PLCB1: variants seen among roughly 807,000 people sequenced by gnomAD.
The protein encoded by PLCB1 is phospholipase C beta 1, also known as 1-phosphatidylinositol 4,5-bisphosphate phosphodiesterase beta-1.
In PLCB1, 46 loss-of-function variants were observed where a neutral mutation model predicts 161.8. That is an observed-to-expected ratio of 0.28 (90% CI 0.22 to 0.36). The LOEUF is 0.36. PLCB1 is among the 10% of genes least tolerant of loss of function. The pLI, the probability that PLCB1 is intolerant of heterozygous loss-of-function variation, is 1.00. For missense variants in PLCB1, 1,016 were observed against 1,472.5 expected (o/e 0.69, Z 5.07); for synonymous variants, 517 against 503.7 (o/e 1.03, Z -0.35).
At chr20:8,622,146 C>T (rs887469862) in intron 3 of PLCB1, among the ~76,000 whole-genome samples, 4 of 151,298 alleles carry the variant, frequency 2.6e-5, no homozygotes, top group African/African-American at 4.9e-5. Context: ...CCCAGCTACT[C>T]GGGAGGCTGA....
chr20:8,670,934 C>T (rs750740768), intron 9 of PLCB1, among the ~76,000 whole-genome samples: 17 of 152,178 alleles, frequency 1.1e-4, no homozygotes, highest in Non-Finnish European at 2.4e-4. Context: ...CAGTGCTGTG[C>T]TTAGAAGTGA....
chr20:8,832,676 C>T (rs1030372802), intron 31 of PLCB1, among the ~76,000 whole-genome samples: 4 of 152,224 alleles, frequency 2.6e-5, no homozygotes, highest in Non-Finnish European at 4.4e-5. Flanking sequence ...AGAAAAGAAT[C>T]AGAATCGAAA....
intron 3 of PLCB1, among the ~76,000 whole-genome samples, chr20:8,447,878 C>CA (rs1272313542): frequency 1.3e-5 from 2 of 152,186 alleles, no homozygotes; most frequent in Non-Finnish European, 2.9e-5. Context: ...TTGCACTCTA[C>CA]AATTTCAGAC....
intron 3 of PLCB1, among the ~76,000 whole-genome samples, chr20:8,535,201 G>GGAAA (rs1568497461): frequency 2.3e-5 from 1 of 44,382 alleles, no homozygotes. Flanking sequence ...GAGTTTATGG[G>GGAAA]CAAAAAAAAA....
intron 2 of PLCB1, among the ~76,000 whole-genome samples, chr20:8,303,969 C>T (rs1984017239): frequency 6.6e-6 from 1 of 152,150 alleles, no homozygotes; most frequent in Non-Finnish European, 1.5e-5. Context: ...CACCAAAAAC[C>T]AGGTCCTCAT....
chr20:8,702,815 T>C (rs1045429879), intron 11 of PLCB1, among the ~76,000 whole-genome samples: 6 of 152,264 alleles, frequency 3.9e-5, no homozygotes. Flanking sequence ...TTTCTCATCC[T>C]AACTGATCAC....
intron 3 of PLCB1, among the ~76,000 whole-genome samples, chr20:8,412,593 A>G (rs1056288363): frequency 6.6e-6 from 1 of 152,196 alleles, no homozygotes; most frequent in Non-Finnish European, 1.5e-5. Flanking sequence ...CTAATAGAGG[A>G]CACAGGTCCA....
chr20:8,453,787 A>G (rs980031973), intron 3 of PLCB1, among the ~76,000 whole-genome samples: 1 of 152,210 alleles, frequency 6.6e-6, no homozygotes. Context: ...TTTCAGGCAG[A>G]TGGAAGAGCA....
At chr20:8,627,888 C>T (rs777292316) in intron 3 of PLCB1, among the ~76,000 whole-genome samples, 12 of 152,194 alleles carry the variant, frequency 7.9e-5, no homozygotes, top group Admixed American at 4.6e-4. Flanking sequence ...CCTAGTCCTA[C>T]GTAGGCATTG....
chr20:8,855,816 C>T (rs1244854134), intron 31 of PLCB1, among the ~76,000 whole-genome samples: 2 of 152,332 alleles, frequency 1.3e-5, no homozygotes, highest in Middle Eastern at 3.4e-3. Context: ...GGCCAAGTCA[C>T]TTAAATTTTG....
At chr20:8,618,562 TATAAC>T (rs1354717287) in intron 3 of PLCB1, among the ~76,000 whole-genome samples, 9 of 152,130 alleles carry the variant, frequency 5.9e-5, no homozygotes, top group African/African-American at 1.7e-4. Context: ...TTTACAATCA[TATAAC>T]ATAACTAACA....
At chr20:8,320,857 G>C (rs868561644) in intron 2 of PLCB1, among the ~76,000 whole-genome samples, 1 of 147,918 alleles carries the variant, frequency 6.8e-6, no homozygotes, top group Non-Finnish European at 1.5e-5. Flanking sequence ...GAGGGAAAGA[G>C]AGAGAAAGAA....
At chr20:8,555,924 T>A (rs1457377328) in intron 3 of PLCB1, among the ~76,000 whole-genome samples, 1 of 152,082 alleles carries the variant, frequency 6.6e-6, no homozygotes, top group African/African-American at 2.4e-5. Context: ...TTGAGACAAA[T>A]TTTAAAATCG....
Position 8,756,180 on chromosome 20 carries a change from C to T in PLCB1, c.2524-866C>T, listed in dbSNP as rs541341320. Among the ~76,000 whole-genome samples, 4 of 152,280 alleles carry T rather than the reference C, an allele frequency of 2.6e-5. No homozygotes were observed. The East Asian group carries it at 5.8e-4, about 22-fold the overall frequency. On this transcript the variant is annotated intron_variant, in intron 23 of 31. Coordinates refer to ENST00000338037, the MANE Select transcript of PLCB1 (RefSeq NM_015192.4). Reference sequence around the variant, plus strand: ...ATTATTTAACATCCACATATTTACTCTGTGCCAGAAACAATTCTAAGTACT... The same window carrying T: ...ATTATTTAACATCCACATATTTACTTTGTGCCAGAAACAATTCTAAGTACT...
At chr20:8,275,230 G>C (rs1041451607) in intron 2 of PLCB1, among the ~76,000 whole-genome samples, 1 of 144,912 alleles carries the variant, frequency 6.9e-6, no homozygotes, top group African/African-American at 2.6e-5. Flanking sequence ...CCAGTACCAG[G>C]TTTGCTTTGC....
At position 8,818,885 on chromosome 20, in the gene PLCB1, G is replaced by A. The variant is rs1004556129; in HGVS notation, c.3423+28624G>A. Among the ~76,000 whole-genome samples the A allele has an allele frequency of 3.3e-5, 5 of 150,830 alleles. No individual in the cohort carries two copies. The East Asian group carries it at 9.8e-4, about 30-fold the overall frequency. ...GAACCCAGGAGGCGGAGGCTGCAGTGAGCCAAGATTGTGCCACTGCACTCT... is the reference window on the plus strand; with the variant it reads ...GAACCCAGGAGGCGGAGGCTGCAGTAAGCCAAGATTGTGCCACTGCACTCT... On this transcript the variant is annotated intron_variant, in intron 31 of 31. Transcript: ENST00000338037.
chr20:8,252,511 T>C (rs1263311357), intron 2 of PLCB1, among the ~76,000 whole-genome samples: 2 of 152,012 alleles, frequency 1.3e-5, no homozygotes, highest in Non-Finnish European at 2.9e-5. Context: ...AATGCCTAAT[T>C]CTAATCCAGT....
At chr20:8,559,924 C>T (rs2123019554) in intron 3 of PLCB1, among the ~76,000 whole-genome samples, 1 of 152,072 alleles carries the variant, frequency 6.6e-6, no homozygotes, top group South Asian at 2.1e-4. Flanking sequence ...TTCCTTCCTA[C>T]CTTTCTTTCT....
rs561534288 is a variant in PLCB1, at chr20:8,862,630, T to C, written c.3424-18992T>C. Among the ~76,000 whole-genome samples, 102 of 152,310 alleles carry C rather than the reference T, an allele frequency of 6.7e-4. 4 individuals carry two copies. In the South Asian group the frequency reaches 0.02, roughly 30 times the overall value. On this transcript the variant is annotated intron_variant, in intron 31 of 31. Coordinates refer to ENST00000338037, the MANE Select transcript of PLCB1 (RefSeq NM_015192.4). ...AAATTGATTTTTTTAAATCTAAACA[T>C]AGTTACTGGGTAATTTATGATAGAT...
Sources: gnomAD v4.1 joint callset for allele counts (sites outside exome capture counted in the v4.1 genomes callset) on GRCh38, gnomAD v4.1.1 for gene constraint, MANE v1.5 for transcripts, NCBI Gene and HGNC (gene_info 2026-07-23, HGNC 2026-07-21) for gene names.